Variants in TENM3 observed in about 807,000 individuals in gnomAD.
TENM3 encodes teneurin-3.
Under a neutral mutation model 255.1 loss-of-function variants are expected in TENM3, and 63 were observed. The ratio of observed to expected loss-of-function variants is 0.25; its 90% CI spans 0.20 to 0.30. The LOEUF is 0.30. Among genes scored for constraint, TENM3 ranks in the 10% least tolerant of loss-of-function variants. TENM3 has a pLI of 1.00. For synonymous variants in TENM3, 1,306 were observed against 1,322.3 expected, an observed-to-expected ratio of 0.99 and a Z score of 0.27; for missense variants, 2,929 against 3,461.1, an observed-to-expected ratio of 0.85 and a Z score of 3.86.
the TENM3 span, among the ~76,000 whole-genome samples, chr4:181,678,208 T>C: frequency 2.0e-5 from 3 of 152,088 alleles, no homozygotes; most frequent in African/African-American, 7.2e-5. Flanking sequence ...CACAAAAATA[T>C]ATGTACATTT....
intron 3 of TENM3, among the ~76,000 whole-genome samples, chr4:182,392,546 G>A (rs1768505091): frequency 6.6e-6 from 1 of 152,194 alleles, no homozygotes; most frequent in Non-Finnish European, 1.5e-5. Flanking sequence ...AGAGAGATGG[G>A]AATTAGAAAT....
intron 13 of TENM3, among the ~76,000 whole-genome samples, chr4:182,719,472 G>A (rs1320382642): frequency 1.3e-5 from 2 of 151,792 alleles, no homozygotes; most frequent in East Asian, 3.9e-4. Flanking sequence ...TGTTGGCCAG[G>A]ATGGTCTCGA....
At chr4:181,845,271 A>C in the TENM3 span, among the ~76,000 whole-genome samples, 1 of 152,308 alleles carries the variant, frequency 6.6e-6, no homozygotes, top group African/African-American at 2.4e-5. Context: ...GCTCTATAGT[A>C]ATAAGATTCA....
chr4:181,499,582 A>C, the TENM3 span, among the ~76,000 whole-genome samples: 2 of 152,174 alleles, frequency 1.3e-5, no homozygotes, highest in South Asian at 4.1e-4. Flanking sequence ...TGAGGCATGA[A>C]AGAAAACTAG....
At chr4:182,081,112 T>C in the TENM3 span, among the ~76,000 whole-genome samples, 1 of 152,196 alleles carries the variant, frequency 6.6e-6, no homozygotes, top group African/African-American at 2.4e-5. Flanking sequence ...TTGTTAATTC[T>C]AAAGTTGTAA....
intron 1 of TENM3, among the ~76,000 whole-genome samples, chr4:182,258,017 A>C (rs1031533872): frequency 6.6e-6 from 1 of 152,154 alleles, no homozygotes; most frequent in Non-Finnish European, 1.5e-5. Flanking sequence ...TCAGGAGTAT[A>C]TAGTATAAAT....
the TENM3 span, among the ~76,000 whole-genome samples, chr4:181,927,717 C>T: frequency 6.6e-6 from 1 of 152,200 alleles, no homozygotes; most frequent in Non-Finnish European, 1.5e-5. Flanking sequence ...GACCCCCATG[C>T]CTCATAACTG....
the TENM3 span, among the ~76,000 whole-genome samples, chr4:181,490,244 A>G: frequency 1.3e-5 from 2 of 152,196 alleles, no homozygotes; most frequent in Non-Finnish European, 2.9e-5. Flanking sequence ...TGTGCAACTG[A>G]ACATAACCTA....
intron 3 of TENM3, among the ~76,000 whole-genome samples, chr4:182,407,710 A>G (rs1769681469): frequency 6.6e-6 from 1 of 152,202 alleles, no homozygotes; most frequent in African/African-American, 2.4e-5. Context: ...AAGTTGCTGT[A>G]ATGAAATTGA....
At chr4:182,476,582 A>G (rs1371421153) in intron 3 of TENM3, among the ~76,000 whole-genome samples, 1 of 152,222 alleles carries the variant, frequency 6.6e-6, no homozygotes, top group Non-Finnish European at 1.5e-5. Flanking sequence ...ATATGTATCT[A>G]TATATTTGGA....
At chr4:181,593,010 A>G in the TENM3 span, among the ~76,000 whole-genome samples, 1 of 152,140 alleles carries the variant, frequency 6.6e-6, no homozygotes, top group Non-Finnish European at 1.5e-5. Flanking sequence ...AAAGCAAGCC[A>G]TGGGAGTTTG....
intron 22 of TENM3, among the ~76,000 whole-genome samples, chr4:182,758,716 A>T (rs1390719244): frequency 6.6e-6 from 1 of 152,178 alleles, no homozygotes; most frequent in Non-Finnish European, 1.5e-5. Context: ...CTGTAAGTTC[A>T]CAAAGAAGGG....
the TENM3 span, among the ~76,000 whole-genome samples, chr4:181,758,601 T>C: frequency 0.38 from 56,922 of 151,752 alleles, 10,677 homozygotes; most frequent in African/African-American, 0.43. Context: ...TACAGGATAA[T>C]TGCACCTTAC....
chr4:181,462,447 T>A, the TENM3 span, among the ~76,000 whole-genome samples: 1 of 152,188 alleles, frequency 6.6e-6, no homozygotes, highest in Admixed American at 6.6e-5. Context: ...GCTTGAAAAC[T>A]GCCTCCAGGC....
intron 1 of TENM3, among the ~76,000 whole-genome samples, chr4:182,293,955 A>G (rs1430913441): frequency 2.6e-5 from 4 of 152,198 alleles, no homozygotes; most frequent in Non-Finnish European, 5.9e-5. Context: ...AATGACAATT[A>G]GTGGCATGTG....
chr4:182,327,139 C>A (rs1306939188), intron 2 of TENM3, among the ~76,000 whole-genome samples: 1 of 152,106 alleles, frequency 6.6e-6, no homozygotes, highest in Non-Finnish European at 1.5e-5. Flanking sequence ...TTGAACCTGA[C>A]AAATGTCAAT....
chr4:182,462,068 C>CT (rs34287537), intron 3 of TENM3, among the ~76,000 whole-genome samples: 6,097 of 146,710 alleles, frequency 0.042, 159 homozygotes, highest in Non-Finnish European at 0.058. Flanking sequence ...CTCCTCTGAG[C>CT]TTTTTTTTTT....
chr4:181,998,471 A>G, the TENM3 span, among the ~76,000 whole-genome samples: 20 of 152,186 alleles, frequency 1.3e-4, 1 homozygote, highest in Non-Finnish European at 2.4e-4. Context: ...CCCGTACCCT[A>G]GCCAGGTATC....
intron 25 of TENM3, among the ~76,000 whole-genome samples, chr4:182,791,812 A>T (rs1261600121): frequency 1.3e-5 from 2 of 152,102 alleles, no homozygotes; most frequent in Non-Finnish European, 2.9e-5. Flanking sequence ...TCCCCCAAGT[A>T]CACTAGAAAT....
Sources: gnomAD v4.1 joint callset for allele counts (sites outside exome capture counted in the v4.1 genomes callset) on GRCh38, gnomAD v4.1.1 for gene constraint, MANE v1.5 for transcripts, NCBI Gene and HGNC (gene_info 2026-07-23, HGNC 2026-07-21) for gene names.